Variants in RNF157 observed in about 807,000 individuals in gnomAD.
RNF157 encodes ring finger protein 157, also known as E3 ubiquitin ligase RNF157.
RNF157 carries 55 observed loss-of-function variants against 88.3 expected under a neutral mutation model. The ratio of observed to expected loss-of-function variants is 0.62; its 90% confidence interval spans 0.50 to 0.78. RNF157 has a LOEUF of 0.78. Among genes scored for constraint, RNF157 ranks in the 30% least tolerant of loss-of-function variants. The probability of loss-of-function intolerance (pLI) is 0.00; values close to 1 mark genes in which losing one functional copy is unlikely to be tolerated. For missense variants in RNF157, 788 were observed against 860.8 expected (o/e 0.92, Z 1.06); for synonymous variants, 334 against 341.2 (o/e 0.98, Z 0.23).
At chr17:76,239,984 G>A (rs1385442474) in intron 1 of RNF157, among the ~76,000 whole-genome samples, 169 bp downstream of exon 1, 1 of 152,166 alleles carries the variant, frequency 6.6e-6, no homozygotes, top group South Asian at 2.1e-4. Context: ...CGCCCGGGGC[G>A]GGGGAGACCT....
intron 2 of RNF157, among the ~76,000 whole-genome samples, chr17:76,181,779 G>A (rs577232236): frequency 6.6e-6 from 1 of 151,128 alleles, no homozygotes; most frequent in East Asian, 1.9e-4. Context: ...GTGGTGGCGT[G>A]TGCCTGTACT....
At position 76,146,466 on chromosome 17, in the gene RNF157, G is replaced by A; in HGVS notation, c.1922-1113C>T. On this transcript the variant is annotated intron_variant, in intron 18 of 18. Coordinates refer to ENST00000269391, the MANE Select transcript of RNF157 (RefSeq NM_052916.3). This position sits in a 1 kb window ranked among gnomAD's most constrained non-coding sequence, Gnocchi z 4.2. ...CCTCCAGTGCCCTCCCTCCAGTGAG[G>A]CTAGGGCGCTCCTGCCTTGGGCCTC... The A allele has an allele frequency of 1.0e-6, 1 of 985,716 alleles. No individual in the cohort carries two copies. Among genetic ancestry groups the A allele is most frequent in the African/African-American group, 1.7e-5 (1 of 57,362 alleles). The allele number at this position is 985,716 out of a possible 1,614,324, so 61.1% of individuals were successfully genotyped here. A position where few individuals can be genotyped will look rare whatever the true frequency, so the allele number is the denominator to read the frequency against.
intron 2 of RNF157, among the ~76,000 whole-genome samples, chr17:76,186,706 G>A (rs150965053): frequency 3.3e-4 from 50 of 152,076 alleles, no homozygotes; most frequent in African/African-American, 1.1e-3. Flanking sequence ...TTGGGAGGCC[G>A]AGGCGGGCAG....
rs1374098709 is a variant in RNF157 at position 76,176,880 on chromosome 17, T to C, written c.208-3090A>G. Among the ~76,000 whole-genome samples, 1 of 152,072 alleles carries C rather than the reference T, an allele frequency of 6.6e-6. No individual in the cohort carries two copies. The highest frequency in any genetic ancestry group is 1.5e-5 in the Non-Finnish European group (1 of 67,980). On this transcript the variant is annotated intron_variant, in intron 2 of 18. Coordinates refer to ENST00000269391, the MANE Select transcript of RNF157 (RefSeq NM_052916.3). This position sits in a 1 kb window ranked among gnomAD's most constrained non-coding sequence, Gnocchi z 4.2. ...AGCTTCCGCTTCGGGCACCTGGCCATTGGCGCAGCCACTGTGCCCACCCTG... is the reference window on the plus strand; with the variant it reads ...AGCTTCCGCTTCGGGCACCTGGCCACTGGCGCAGCCACTGTGCCCACCCTG...
intron 16 of RNF157, among the ~76,000 whole-genome samples, 164 bp downstream of exon 16, chr17:76,155,088 C>T (rs1040914019): frequency 6.6e-6 from 1 of 152,224 alleles, no homozygotes; most frequent in African/African-American, 2.4e-5. Context: ...GGAGCAGCTG[C>T]TCTCATCTCT....
intron 2 of RNF157, among the ~76,000 whole-genome samples, chr17:76,189,305 G>C (rs545284187): frequency 6.6e-6 from 1 of 152,336 alleles, no homozygotes; most frequent in Admixed American, 6.5e-5. Flanking sequence ...GTTATCTTTT[G>C]TGATTCTTCT....
chr17:76,160,890 T>C lies in RNF157; in HGVS notation c.1065+645A>G, dbSNP rs1177929427. On this transcript the variant is annotated intron_variant, in intron 11 of 18. Transcript: ENST00000269391. This position sits in a 1 kb window ranked among gnomAD's most constrained non-coding sequence, Gnocchi z 4.3. ...TAATGTTTGTTTGGTTTGATGCTCT[T>C]AATATAGTTAACTAGTTACTCCAGC... Among the ~76,000 whole-genome samples the C allele has an allele frequency of 1.3e-5, 2 of 152,252 alleles. No homozygotes were observed. Among genetic ancestry groups the C allele is most frequent in the Non-Finnish European group, 2.9e-5 (2 of 68,042 alleles).
At chr17:76,183,183 C>A (rs954130033) in intron 2 of RNF157, among the ~76,000 whole-genome samples, 4 of 151,998 alleles carry the variant, frequency 2.6e-5, no homozygotes, top group African/African-American at 9.7e-5. Flanking sequence ...GCGATCCGCC[C>A]GCCTCAGCCT....
chr17:76,203,417 T>C (rs2069620705), intron 2 of RNF157, among the ~76,000 whole-genome samples: 1 of 152,082 alleles, frequency 6.6e-6, no homozygotes, highest in African/African-American at 2.4e-5. Context: ...CATTCATGAC[T>C]ATGACCTTTA....
intron 2 of RNF157, among the ~76,000 whole-genome samples, chr17:76,178,424 G>A (rs2069138296): frequency 6.6e-6 from 1 of 152,262 alleles, no homozygotes; most frequent in African/African-American, 2.4e-5. Context: ...TGACTGCACA[G>A]TGGCCGGACC....
chr17:76,189,660 C>CA (rs1465672212), intron 2 of RNF157, among the ~76,000 whole-genome samples: 3 of 152,088 alleles, frequency 2.0e-5, no homozygotes, highest in Non-Finnish European at 4.4e-5. Flanking sequence ...ACGGAGCTGA[C>CA]AGAGAGAAAC....
At chr17:76,172,791 C>T (rs1598402966) in intron 3 of RNF157, among the ~76,000 whole-genome samples, 1 of 151,874 alleles carries the variant, frequency 6.6e-6, no homozygotes, top group East Asian at 1.9e-4. Context: ...CAAATTTTTT[C>T]ACCAGAGAAT....
intron 1 of RNF157, among the ~76,000 whole-genome samples, chr17:76,215,428 T>G (rs147481694): frequency 6.7e-6 from 1 of 150,102 alleles, no homozygotes; most frequent in Admixed American, 6.7e-5. Context: ...CGAGCTATGA[T>G]TGCCACTGCA....
intron 1 of RNF157, among the ~76,000 whole-genome samples, chr17:76,217,663 A>G (rs1180343987): frequency 1.3e-5 from 2 of 152,192 alleles, no homozygotes; most frequent in Non-Finnish European, 2.9e-5. Context: ...GAACTCTACT[A>G]AAGTACTTCT....
chr17:76,200,269 C>CA (rs896243963), intron 2 of RNF157, among the ~76,000 whole-genome samples: 13 of 151,042 alleles, frequency 8.6e-5, no homozygotes, highest in African/African-American at 2.2e-4. Flanking sequence ...AAACAAAAAC[C>CA]AAAAAAAACC....
chr17:76,212,318 T>C (rs769230211), intron 2 of RNF157, 46 bp downstream of exon 2: 11 of 1,297,098 alleles, frequency 8.5e-6, no homozygotes, highest in South Asian at 1.2e-5. Flanking sequence ...ATTTTTTGAA[T>C]TGGCCACTTA....
At chr17:76,162,759 T>G (rs1464396385) in intron 8 of RNF157, 136 bp from the exon 9 acceptor site, 1 of 548,696 alleles carries the variant, frequency 1.8e-6, no homozygotes, top group African/African-American at 2.0e-5. Flanking sequence ...AAGGCCTGGA[T>G]AAGTAAAAGA....
intron 18 of RNF157, among the ~76,000 whole-genome samples, 160 bp downstream of exon 18, chr17:76,152,195 C>A (rs1374534080): frequency 1.3e-5 from 2 of 152,228 alleles, no homozygotes; most frequent in Non-Finnish European, 1.5e-5. Context: ...CTCTCCCAGG[C>A]CTTCTTACTT....
At position 76,210,490 on chromosome 17, in the gene RNF157, T is replaced by A. The variant is rs553711600; in HGVS notation, c.207+1874A>T. ...CTGTAGTCCCAGCTACTCAGGAGGC[T>A]GAGGCAGGAGAATGGCGTGAACCCG... On this transcript the variant is annotated intron_variant, in intron 2 of 18. Coordinates refer to ENST00000269391, the MANE Select transcript of RNF157 (RefSeq NM_052916.3). Among the ~76,000 whole-genome samples, 8 of 142,556 alleles carry A rather than the reference T, an allele frequency of 5.6e-5. No homozygotes were observed. The South Asian group carries it at 6.6e-4, about 12-fold the overall frequency. 93.5% of individuals were successfully genotyped at this position (142,556 alleles called of 152,430 possible). A position where few individuals can be genotyped will look rare whatever the true frequency, so the allele number is the denominator to read the frequency against.
Sources: allele counts gnomAD v4.1 joint callset (sites outside exome capture counted in the v4.1 genomes callset), GRCh38; gene constraint gnomAD v4.1.1; non-coding constraint Gnocchi (gnomAD v3.1); transcripts MANE v1.5; gene names NCBI Gene and HGNC (gene_info 2026-07-23, HGNC 2026-07-21).